LCE1B: variants seen among roughly 807,000 people sequenced by gnomAD.
The protein encoded by LCE1B is late cornified envelope protein 1B.
For missense variants in LCE1B, 151 were observed against 147.2 expected (o/e 1.03, Z -0.14); for synonymous variants, 56 against 55.9 (o/e 1.00, Z -0.01).
Position 152,812,096 on chromosome 1 carries a change from T to G in LCE1B, c.-351T>G. On this transcript the variant is annotated 5_prime_UTR_variant, in exon 1 of 1. Coordinates refer to ENST00000360090, the MANE Select transcript of LCE1B (RefSeq NM_178349.2). ...TTCTAGATTGTTTTCATGATTCAGG[T>G]GTGTAGTTGAAGCAGAATGTCTCCT... is the stretch of plus-strand genomic sequence containing the variant. 1 of 229,192 alleles carries G rather than the reference T, an allele frequency of 4.4e-6. No individual in the cohort carries two copies. Among genetic ancestry groups the G allele is most frequent in the African/African-American group, 2.3e-5 (1 of 44,036 alleles). The allele number at this position is 229,192 out of a possible 1,614,324, so 14.2% of individuals were successfully genotyped here.
chr1:152,812,364 G>C lies in LCE1B; in HGVS notation c.-83G>C. On this transcript the variant is annotated 5_prime_UTR_variant, in exon 1 of 1. Transcript: ENST00000360090. ...GTAGGGATTAGAAATGATGCTGAAA[G>C]GGCAAGAATAGGCCGGGGTGGCCTC... 3 of 1,270,162 alleles carry C rather than the reference G, an allele frequency of 2.4e-6. No homozygotes were observed. The highest frequency in any genetic ancestry group is 3.5e-6 in the Non-Finnish European group (3 of 869,190). The allele number at this position is 1,270,162 out of a possible 1,614,324, so 78.7% of individuals were successfully genotyped here. A position where few individuals can be genotyped will look rare whatever the true frequency, so the allele number is the denominator to read the frequency against.
At position 152,813,014 on chromosome 1, in the gene LCE1B, T is replaced by C. The variant is rs75638401; in HGVS notation, c.*211T>C. 1.6e-6 allele frequency: 1 copy of C among 624,166 alleles called. No homozygotes were observed. Among genetic ancestry groups the C allele is most frequent in the East Asian group, 2.8e-5 (1 of 35,772 alleles). The allele number at this position is 624,166 out of a possible 1,614,324, so 38.7% of individuals were successfully genotyped here. A position where few individuals can be genotyped will look rare whatever the true frequency, so the allele number is the denominator to read the frequency against. On this transcript the variant is annotated 3_prime_UTR_variant, in exon 1 of 1. Transcript: ENST00000360090. ...TCAGTTTGCGTATGTGTGGTTGCTC[T>C]GGGAAGCCCAAAGCACAGACCTATA...
Position 152,812,533 on chromosome 1 carries a change from C to G in LCE1B, c.87C>G (p.Cys29Trp), listed in dbSNP as rs761253878. 1.2e-6 allele frequency: 2 copies of G among 1,613,888 alleles called. No individual in the cohort carries two copies. Among genetic ancestry groups the G allele is most frequent in the Admixed American group, 1.7e-5 (1 of 59,990 alleles). Residue 29 changes from cysteine (C) to tryptophan (W), a missense_variant, in exon 1 of 1, where the codon TGC becomes TGG. By Grantham distance (215) the Cys-to-Trp change is radical. Coordinates refer to ENST00000360090, the MANE Select transcript of LCE1B (RefSeq NM_178349.2). ...CTCCCAAGTGCCTCACCCCTAGATGCCCCCCAAAGTGTCCCCCTAAGTGTC... is the reference window on the plus strand; with the variant it reads ...CTCCCAAGTGCCTCACCCCTAGATGGCCCCCAAAGTGTCCCCCTAAGTGTC... ...KCPPKCLTPR[C>W]PPKCPPKCPP...
In LCE1B at chr1:152,812,965, C is replaced by G. The variant is rs899152281; in HGVS notation, c.*162C>G. ...AGTTCAGAGGCCCAAAACTTCTCCC[C>G]CAAAGCCAAGCCATTTAATGACCTC... On this transcript the variant is annotated 3_prime_UTR_variant, in exon 1 of 1. Coordinates refer to ENST00000360090, the MANE Select transcript of LCE1B (RefSeq NM_178349.2). The G allele has an allele frequency of 6.8e-6, 6 of 887,378 alleles. No individual in the cohort carries two copies. The highest frequency in any genetic ancestry group is 3.4e-5 in the African/African-American group (2 of 58,902). 55.0% of individuals were successfully genotyped at this position (887,378 alleles called of 1,614,324 possible).
Position 152,812,347 on chromosome 1 carries a change from T to C in LCE1B, c.-100T>C. The C allele has an allele frequency of 9.0e-7, 1 of 1,115,044 alleles. No individual in the cohort carries two copies. The highest frequency in any genetic ancestry group is 1.4e-6 in the Non-Finnish European group (1 of 732,126). 69.1% of individuals were successfully genotyped at this position (1,115,044 alleles called of 1,614,324 possible). ...AAGCAGTTCATCAAAATGTAGGGAT[T>C]AGAAATGATGCTGAAAGGGCAAGAA... On this transcript the variant is annotated 5_prime_UTR_variant, in exon 1 of 1. Transcript: ENST00000360090.
At position 152,812,932 on chromosome 1, in the gene LCE1B, T is replaced by C. The variant is rs1341069539; in HGVS notation, c.*129T>C. On this transcript the variant is annotated 3_prime_UTR_variant, in exon 1 of 1. Coordinates refer to ENST00000360090, the MANE Select transcript of LCE1B (RefSeq NM_178349.2). ...TCAACTCAAGCATAGAGGATTCTTC[T>C]GTCTTGGAGTTCAGAGGCCCAAAAC... 4 of 1,171,632 alleles carry C rather than the reference T, an allele frequency of 3.4e-6. No individual in the cohort carries two copies. Among genetic ancestry groups the C allele is most frequent in the African/African-American group, 3.1e-5 (2 of 64,496 alleles). 72.6% of individuals were successfully genotyped at this position (1,171,632 alleles called of 1,614,324 possible).
Position 152,812,899 on chromosome 1 carries a change from G to A in LCE1B, c.*96G>A. 7 of 1,385,242 alleles carry A rather than the reference G, an allele frequency of 5.1e-6. No individual in the cohort carries two copies. The highest frequency in any genetic ancestry group is 6.9e-6 in the Non-Finnish European group (7 of 1,015,884). 85.8% of individuals were successfully genotyped at this position (1,385,242 alleles called of 1,614,324 possible). A position where few individuals can be genotyped will look rare whatever the true frequency, so the allele number is the denominator to read the frequency against. Reference sequence around the variant, plus strand: ...CTGCCCATGTTGTTGAGAGGTCTTGGTGAGGGCTCAACTCAAGCATAGAGG... The same window carrying A: ...CTGCCCATGTTGTTGAGAGGTCTTGATGAGGGCTCAACTCAAGCATAGAGG... On this transcript the variant is annotated 3_prime_UTR_variant, in exon 1 of 1. Transcript: ENST00000360090.
chr1:152,812,043 T>G lies in LCE1B; in HGVS notation c.-404T>G, dbSNP rs1308751742. 1 of 178,732 alleles carries G rather than the reference T, an allele frequency of 5.6e-6. No individual in the cohort carries two copies. The highest frequency in any genetic ancestry group is 1.3e-4 in the South Asian group (1 of 7,786). The allele number at this position is 178,732 out of a possible 1,614,324, so 11.1% of individuals were successfully genotyped here. A position where few individuals can be genotyped will look rare whatever the true frequency, so the allele number is the denominator to read the frequency against. ...CCAAGAGAGAATGACTGTTTCCCCT[T>G]GAGAAACAATTTTATTTCCAAACCC... On this transcript the variant is annotated 5_prime_UTR_variant, in exon 1 of 1. It removes the in-frame stop codon of an upstream open reading frame in the 5' UTR. Transcript: ENST00000360090.
In LCE1B at chr1:152,812,384, G is replaced by T; in HGVS notation, c.-63G>T. The T allele has an allele frequency of 2.0e-6, 3 of 1,470,032 alleles. No individual in the cohort carries two copies. Among genetic ancestry groups the T allele is most frequent in the Non-Finnish European group, 2.9e-6 (3 of 1,048,890 alleles). The allele number at this position is 1,470,032 out of a possible 1,614,324, so 91.1% of individuals were successfully genotyped here. A position where few individuals can be genotyped will look rare whatever the true frequency, so the allele number is the denominator to read the frequency against. On this transcript the variant is annotated 5_prime_UTR_variant, in exon 1 of 1. Transcript: ENST00000360090. ...TGAAAGGGCAAGAATAGGCCGGGGTGGCCTCTACCTGGGTCTAACTTGCTG... is the reference window on the plus strand; with the variant it reads ...TGAAAGGGCAAGAATAGGCCGGGGTTGCCTCTACCTGGGTCTAACTTGCTG...
Position 152,812,752 on chromosome 1 carries a change from C to T in LCE1B, c.306C>T (p.Gly102=), listed in dbSNP as rs780834924. 5.0e-6 allele frequency: 8 copies of T among 1,613,396 alleles called. No individual in the cohort carries two copies. Among genetic ancestry groups the T allele is most frequent in the South Asian group, 1.1e-5 (1 of 91,010 alleles). Residue 102 remains glycine (G), a synonymous_variant, in exon 1 of 1, where the codon GGC becomes GGT. Coordinates refer to ENST00000360090, the MANE Select transcript of LCE1B (RefSeq NM_178349.2). ...GCTGCTGCAGCCAGCCCTCCGGGGG[C>T]TCCAGCTGCTGTGGAGGAGGGAGTG... ...SSGCCSQPSG[G]SSCCGGGSGQ...
Position 152,812,495 on chromosome 1 carries a change from A to C in LCE1B, c.49A>C (p.Ile17Leu). 1 of 1,613,946 alleles carries C rather than the reference A, an allele frequency of 6.2e-7. No homozygotes were observed. Residue 17 changes from isoleucine to leucine, a missense_variant, in exon 1 of 1, where the codon ATC (isoleucine) becomes CTC (leucine). Transcript: ENST00000360090. ...QQQCQPPPKC[I>L]PKCPPKCLTP... The stretch of plus-strand genomic sequence containing the variant: ...GCAGTGCCAGCCCCCTCCCAAGTGC[A>C]TCCCCAAGTGCCCTCCCAAGTGCCT...
In LCE1B at chr1:152,812,102, G is replaced by T. The variant is rs1204260164; in HGVS notation, c.-345G>T. The T allele has an allele frequency of 3.3e-5, 8 of 243,622 alleles. No homozygotes were observed. The highest frequency in any genetic ancestry group is 6.3e-5 in the Non-Finnish European group (8 of 126,444). 15.1% of individuals were successfully genotyped at this position (243,622 alleles called of 1,614,324 possible). Reference sequence around the variant, plus strand: ...ATTGTTTTCATGATTCAGGTGTGTAGTTGAAGCAGAATGTCTCCTCTACAT... The same window carrying T: ...ATTGTTTTCATGATTCAGGTGTGTATTTGAAGCAGAATGTCTCCTCTACAT... On this transcript the variant is annotated 5_prime_UTR_variant, in exon 1 of 1. Coordinates refer to ENST00000360090, the MANE Select transcript of LCE1B (RefSeq NM_178349.2).
In LCE1B at chr1:152,813,071, A is replaced by G; in HGVS notation, c.*268A>G. The G allele has an allele frequency of 2.1e-6, 1 of 475,874 alleles. No homozygotes were observed. Among genetic ancestry groups the G allele is most frequent in the East Asian group, 3.3e-5 (1 of 30,094 alleles). The allele number at this position is 475,874 out of a possible 1,614,324, so 29.5% of individuals were successfully genotyped here. The stretch of plus-strand genomic sequence containing the variant: ...TGCAGCTTGTCTTTTTGCATAGCTC[A>G]GCCTGATGTGAAACAATAAAACCAG... On this transcript the variant is annotated 3_prime_UTR_variant, in exon 1 of 1. Transcript: ENST00000360090.
At position 152,812,386 on chromosome 1, in the gene LCE1B, C is replaced by A. The variant is rs184823200; in HGVS notation, c.-61C>A. On this transcript the variant is annotated 5_prime_UTR_variant, in exon 1 of 1. Coordinates refer to ENST00000360090, the MANE Select transcript of LCE1B (RefSeq NM_178349.2). ...AAAGGGCAAGAATAGGCCGGGGTGG[C>A]CTCTACCTGGGTCTAACTTGCTGTC... 58 of 1,521,208 alleles carry A rather than the reference C, an allele frequency of 3.8e-5. No individual in the cohort carries two copies. The highest frequency in any genetic ancestry group is 5.0e-5 in the Non-Finnish European group (55 of 1,095,528). The allele number at this position is 1,521,208 out of a possible 1,614,324, so 94.2% of individuals were successfully genotyped here.
In LCE1B at chr1:152,812,976, C is replaced by T. The variant is rs945606644; in HGVS notation, c.*173C>T. ...CCAAAACTTCTCCCCCAAAGCCAAG[C>T]CATTTAATGACCTCAGTTTGCGTAT... On this transcript the variant is annotated 3_prime_UTR_variant, in exon 1 of 1. Coordinates refer to ENST00000360090, the MANE Select transcript of LCE1B (RefSeq NM_178349.2). 9 of 772,330 alleles carry T rather than the reference C, an allele frequency of 1.2e-5. No homozygotes were observed. In the African/African-American group the frequency reaches 1.6e-4, roughly 14 times the overall value. The allele number at this position is 772,330 out of a possible 1,614,324, so 47.8% of individuals were successfully genotyped here. A position where few individuals can be genotyped will look rare whatever the true frequency, so the allele number is the denominator to read the frequency against.
Position 152,812,546 on chromosome 1 carries a change from C to T in LCE1B, c.100C>T (p.Pro34Ser). 3.7e-6 allele frequency: 6 copies of T among 1,614,036 alleles called. No homozygotes were observed. The highest frequency in any genetic ancestry group is 5.1e-6 in the Non-Finnish European group (6 of 1,180,014). The stretch of plus-strand genomic sequence containing the variant: ...CACCCCTAGATGCCCCCCAAAGTGT[C>T]CCCCTAAGTGTCCTCCAGTCTCTTC... ...CLTPRCPPKC[P>S]PKCPPVSSCC... The change falls in exon 1 of 1, where the codon CCC becomes TCC. Residue 34 changes from proline (P) to serine (S), a missense_variant. Coordinates refer to ENST00000360090, the MANE Select transcript of LCE1B (RefSeq NM_178349.2).
chr1:152,812,186 T>A lies in LCE1B; in HGVS notation c.-261T>A. On this transcript the variant is annotated 5_prime_UTR_variant, in exon 1 of 1. Coordinates refer to ENST00000360090, the MANE Select transcript of LCE1B (RefSeq NM_178349.2). The stretch of plus-strand genomic sequence containing the variant: ...TATCTTTTGGCTTCGGTTTTCTAAT[T>A]ATAAAATAGTTGAAAATGCTTTATG... 1 of 507,352 alleles carries A rather than the reference T, an allele frequency of 2.0e-6. No homozygotes were observed. Among genetic ancestry groups the A allele is most frequent in the South Asian group, 3.1e-5 (1 of 32,708 alleles). The allele number at this position is 507,352 out of a possible 1,614,324, so 31.4% of individuals were successfully genotyped here.
chr1:152,812,385 G>C lies in LCE1B; in HGVS notation c.-62G>C. 2.0e-6 allele frequency: 3 copies of C among 1,492,124 alleles called. No homozygotes were observed. Among genetic ancestry groups the C allele is most frequent in the Non-Finnish European group, 2.8e-6 (3 of 1,068,972 alleles). The allele number at this position is 1,492,124 out of a possible 1,614,324, so 92.4% of individuals were successfully genotyped here. On this transcript the variant is annotated 5_prime_UTR_variant, in exon 1 of 1. Coordinates refer to ENST00000360090, the MANE Select transcript of LCE1B (RefSeq NM_178349.2). ...GAAAGGGCAAGAATAGGCCGGGGTG[G>C]CCTCTACCTGGGTCTAACTTGCTGT... is the stretch of plus-strand genomic sequence containing the variant.
rs760719965 is a variant in LCE1B, at chr1:152,812,799, G to A, written c.353G>A (p.Cys118Tyr). 3 of 1,591,664 alleles carry A rather than the reference G, an allele frequency of 1.9e-6. No homozygotes were observed. The African/African-American group carries it at 4.1e-5, about 22-fold the overall frequency. The change falls in exon 1 of 1, where the codon TGC (cysteine) becomes TAC (tyrosine). Residue 118 changes from cysteine (C) to tyrosine (Y), a missense_variant. Cys to Tyr is a radical substitution (Grantham distance 194). Transcript: ENST00000360090. Reference protein sequence around the residue: ...GGSGQHSGGCC With the variant: ...GGSGQHSGGCY ...AGTGGCCAGCACTCTGGAGGCTGCT[G>A]CTAAAGTGGATCCTGAGCCTAGAAG...
Sources: gnomAD v4.1 joint callset for allele counts on GRCh38, gnomAD v4.1.1 for gene constraint, MANE v1.5 for transcripts, NCBI Gene and HGNC (gene_info 2026-07-23, HGNC 2026-07-21) for gene names.